Variants in DPYD observed in about 807,000 individuals in gnomAD.
The protein encoded by DPYD is dihydropyrimidine dehydrogenase, also known as dihydropyrimidine dehydrogenase [NADP(+)].
DPYD carries 109 observed loss-of-function variants against 116.2 expected under a neutral mutation model. The observed-to-expected ratio is 0.94, with a 90% CI of 0.80 to 1.10. The LOEUF is 1.10. DPYD is among the 50% of genes least tolerant of loss of function. DPYD has a pLI of 0.00. For missense variants in DPYD, 1,302 were observed against 1,254.5 expected (o/e 1.04, Z -0.57); for synonymous variants, 440 against 432.0 (o/e 1.02, Z -0.23).
intron 14 of DPYD, chr1:97,394,263 GTT>G (rs1672889792): frequency 6.6e-6 from 1 of 152,084 alleles, no homozygotes. Context: ...TCTGACGGTA[GTT>G]TCTTTTGCTG....
At chr1:97,274,513 C>G (rs1383013447) in intron 18 of DPYD, among the ~76,000 whole-genome samples, 3 of 152,118 alleles carry the variant, frequency 2.0e-5, no homozygotes, top group African/African-American at 4.8e-5. Context: ...TCTGCAGAAC[C>G]TGGAAACAAT....
At chr1:97,750,436 T>C (rs193037687) in intron 3 of DPYD, among the ~76,000 whole-genome samples, 98 of 152,276 alleles carry the variant, frequency 6.4e-4, no homozygotes, top group African/African-American at 2.2e-3. Context: ...TCTTAGGGCA[T>C]GTGGACTAAG....
At chr1:97,283,586 T>C (rs1334365451) in intron 18 of DPYD, among the ~76,000 whole-genome samples, 2 of 152,062 alleles carry the variant, frequency 1.3e-5, no homozygotes, top group Non-Finnish European at 2.9e-5. Flanking sequence ...CTAAATGCCA[T>C]ATTATGAGTC....
intron 18 of DPYD, among the ~76,000 whole-genome samples, chr1:97,291,707 G>A (rs1320712138): frequency 3.3e-5 from 5 of 151,804 alleles, no homozygotes; most frequent in African/African-American, 1.2e-4. Context: ...GGAGTGGGGA[G>A]GGATAGCATT....
chr1:97,256,566 C>T (rs1663484938), intron 18 of DPYD, among the ~76,000 whole-genome samples: 1 of 152,220 alleles, frequency 6.6e-6, no homozygotes, highest in Admixed American at 6.6e-5. Flanking sequence ...ATGTGACTTG[C>T]TCCTCCTTGC....
chr1:97,742,917 G>A (rs1014102666), intron 3 of DPYD, among the ~76,000 whole-genome samples: 17 of 152,056 alleles, frequency 1.1e-4, no homozygotes, highest in Middle Eastern at 3.4e-3. Flanking sequence ...ATGGATTCTG[G>A]TTATCTCTAT....
intron 19 of DPYD, among the ~76,000 whole-genome samples, chr1:97,196,803 T>C (rs1245788637): frequency 6.6e-6 from 1 of 152,116 alleles, no homozygotes; most frequent in African/African-American, 2.4e-5. Context: ...GATATAGACA[T>C]TAACAGAGGA....
chr1:97,218,258 G>A (rs569804008), intron 19 of DPYD, among the ~76,000 whole-genome samples: 2 of 152,100 alleles, frequency 1.3e-5, no homozygotes, highest in South Asian at 4.2e-4. Flanking sequence ...TAACAAAACT[G>A]CACTTGTAAT....
At chr1:97,428,453 T>C (rs1674996273) in intron 14 of DPYD, among the ~76,000 whole-genome samples, 1 of 152,072 alleles carries the variant, frequency 6.6e-6, no homozygotes. Context: ...CTTATGTAAA[T>C]GAATACAATG....
chr1:97,656,964 GTAT>G (rs1207607704), intron 8 of DPYD, among the ~76,000 whole-genome samples: 89 of 123,808 alleles, frequency 7.2e-4, no homozygotes, highest in African/African-American at 2.4e-3. Context: ...CTGCATGATT[GTAT>G]TTTTTTTTTT....
intron 9 of DPYD, 37 bp from the exon 10 acceptor site, chr1:97,593,424 G>A (rs754234706): frequency 6.2e-7 from 1 of 1,610,904 alleles, no homozygotes; most frequent in East Asian, 2.2e-5. Flanking sequence ...TTCAAGTAGA[G>A]AAACCATTTC....
chr1:97,506,741 T>C (rs1261353089), intron 13 of DPYD, among the ~76,000 whole-genome samples: 1 of 151,992 alleles, frequency 6.6e-6, no homozygotes, highest in African/African-American at 2.4e-5. Flanking sequence ...AAGATGTAAT[T>C]ATATTGGAAA....
intron 15 of DPYD, among the ~76,000 whole-genome samples, chr1:97,377,418 C>T (rs1024383297): frequency 2.0e-5 from 3 of 152,122 alleles, no homozygotes; most frequent in African/African-American, 2.4e-5. Flanking sequence ...TATCTAAATA[C>T]TTATCTATCC....
chr1:97,915,621 A>ATATGTC (rs1362246802), intron 1 of DPYD, among the ~76,000 whole-genome samples: 1 of 152,188 alleles, frequency 6.6e-6, no homozygotes, highest in Non-Finnish European at 1.5e-5. Context: ...CAGAAGGTAA[A>ATATGTC]TATGTCACAT....
At chr1:97,459,756 C>T (rs573997839) in intron 13 of DPYD, among the ~76,000 whole-genome samples, 19 of 151,998 alleles carry the variant, frequency 1.3e-4, no homozygotes, top group African/African-American at 4.6e-4. Flanking sequence ...TGAACTAATG[C>T]TAATTCTGCA....
In DPYD at chr1:97,188,507, C is replaced by T. The variant is rs533733759; in HGVS notation, c.2622+4562G>A. The stretch of plus-strand genomic sequence containing the variant: ...CAGTATGAATAAGATATTATCTTTC[C>T]TTCAAAATGCTTGTAATGACCTGCA... On this transcript the variant is annotated intron_variant, in intron 20 of 22. Transcript: ENST00000370192. Among the ~76,000 whole-genome samples, 6 of 152,158 alleles carry T rather than the reference C, an allele frequency of 3.9e-5. No homozygotes were observed. In the South Asian group the frequency reaches 1.2e-3, roughly 32 times the overall value.
At chr1:97,391,779 T>C (rs897978903) in intron 14 of DPYD, among the ~76,000 whole-genome samples, 7 of 151,990 alleles carry the variant, frequency 4.6e-5, no homozygotes, top group African/African-American at 1.4e-4. Flanking sequence ...TGGCTTCAAA[T>C]CCAATTTCAG....
chr1:97,268,086 G>T (rs939483435), intron 18 of DPYD, among the ~76,000 whole-genome samples: 1 of 152,192 alleles, frequency 6.6e-6, no homozygotes, highest in East Asian at 1.9e-4. Flanking sequence ...CTTGTTTCAT[G>T]TAAGTCCAAA....
intron 12 of DPYD, among the ~76,000 whole-genome samples, chr1:97,526,398 C>A (rs1649101586): frequency 6.6e-6 from 1 of 151,426 alleles, no homozygotes; most frequent in Non-Finnish European, 1.5e-5. Flanking sequence ...TAATTTTTTA[C>A]TCTACTTACC....
Sources: allele counts gnomAD v4.1 joint callset (sites outside exome capture counted in the v4.1 genomes callset), GRCh38; gene constraint gnomAD v4.1.1; transcripts MANE v1.5; gene names NCBI Gene and HGNC (gene_info 2026-07-23, HGNC 2026-07-21).